Variants in GRIK4 observed in about 807,000 individuals in gnomAD.
The protein encoded by GRIK4 is glutamate ionotropic receptor kainate type subunit 4.
A neutral mutation model predicts 104.9 loss-of-function variants in GRIK4; 40 were observed. The ratio of observed to expected loss-of-function variants is 0.38; its 90% confidence interval spans 0.30 to 0.50. The LOEUF (loss-of-function observed/expected upper bound fraction) is 0.50, where lower values mean the gene tolerates loss of function less well. GRIK4 is among the 20% of genes least tolerant of loss of function. GRIK4 has a pLI of 0.93. For missense variants in GRIK4, 1,047 were observed against 1,308.1 expected (o/e 0.80, Z 3.08); for synonymous variants, 485 against 524.9 (o/e 0.92, Z 1.04).
intron 3 of GRIK4, among the ~76,000 whole-genome samples, chr11:120,703,111 A>G (rs1391612149): frequency 6.6e-6 from 1 of 152,186 alleles, no homozygotes; most frequent in African/African-American, 2.4e-5. Flanking sequence ...TCCAGCATTG[A>G]ATCTGTGGGC....
chr11:120,764,552 A>G (rs1951799595), intron 3 of GRIK4, among the ~76,000 whole-genome samples: 2 of 148,714 alleles, frequency 1.3e-5, no homozygotes, highest in Admixed American at 1.3e-4. Flanking sequence ...TGGGCTTTAC[A>G]TTTTGGTTTG....
In GRIK4 at chr11:120,940,263, T is replaced by A; in HGVS notation, c.1477-84T>A. ...AGCCAGACCAGCATCACATCTCCAA[T>A]AGCAGTGACGGTTGCTGGTCGCAAG... On this transcript the variant is annotated intron_variant, in intron 13 of 20. Transcript: ENST00000527524. The surrounding 1 kb of genome is among the most constrained non-coding windows in gnomAD (Gnocchi z 4.3). The A allele has an allele frequency of 1.3e-6, 1 of 770,878 alleles. No individual in the cohort carries two copies. Among genetic ancestry groups the A allele is most frequent in the African/African-American group, 1.7e-5 (1 of 58,494 alleles). 47.8% of individuals were successfully genotyped at this position (770,878 alleles called of 1,614,324 possible).
At chr11:120,874,358 T>G in intron 10 of GRIK4, 140 bp downstream of exon 10, 1 of 665,758 alleles carries the variant, frequency 1.5e-6, no homozygotes, top group Non-Finnish European at 2.5e-6. Context: ...CAGTGATCTC[T>G]GGTGACCCCA....
rs549699968 is a variant in GRIK4, at chr11:120,524,277, G to A, written c.-159+12390G>A. Among the ~76,000 whole-genome samples the A allele has an allele frequency of 3.8e-4, 58 of 152,174 alleles. No individual in the cohort carries two copies. The highest frequency in any genetic ancestry group is 7.1e-4 in the Non-Finnish European group (48 of 68,036). ...GAACAGCACTGGGTGCTCAGTATGC[G>A]TTTAGTGGGTGAACGGCTGCTTTGG... is the stretch of plus-strand genomic sequence containing the variant. On this transcript the variant is annotated intron_variant, in intron 1 of 20. Coordinates refer to ENST00000527524, the MANE Select transcript of GRIK4 (RefSeq NM_014619.5). The surrounding 1 kb of genome is among the most constrained non-coding windows in gnomAD (Gnocchi z 4.5).
At chr11:120,727,930 T>C (rs557295903) in intron 3 of GRIK4, among the ~76,000 whole-genome samples, 1 of 152,182 alleles carries the variant, frequency 6.6e-6, no homozygotes, top group African/African-American at 2.4e-5. Context: ...ATGACAAATA[T>C]TGAAGATAGG....
intron 8 of GRIK4, among the ~76,000 whole-genome samples, chr11:120,848,088 C>T (rs543238639): frequency 2.0e-5 from 3 of 152,184 alleles, no homozygotes; most frequent in African/African-American, 7.2e-5. Flanking sequence ...ACCCTGGAAG[C>T]CTTCTCACCC....
At chr11:120,794,335 T>C (rs191669647) in intron 3 of GRIK4, among the ~76,000 whole-genome samples, 54 of 151,490 alleles carry the variant, frequency 3.6e-4, no homozygotes, top group Admixed American at 8.5e-4. Context: ...AGTCGGGTGA[T>C]GGTTTTGAGG....
chr11:120,609,530 T>G (rs1949005842), intron 1 of GRIK4, among the ~76,000 whole-genome samples: 1 of 134,618 alleles, frequency 7.4e-6, no homozygotes, highest in Non-Finnish European at 1.6e-5. Context: ...TTTTTTTTTT[T>G]TTTTTTTTTT....
chr11:120,763,715 C>T (rs969404350), intron 3 of GRIK4, among the ~76,000 whole-genome samples: 1 of 152,184 alleles, frequency 6.6e-6, no homozygotes, highest in Non-Finnish European at 1.5e-5. Flanking sequence ...AGTAGTCATT[C>T]AGGAGCAGGT....
chr11:120,821,007 C>T (rs1056109319), intron 6 of GRIK4, among the ~76,000 whole-genome samples: 1 of 152,096 alleles, frequency 6.6e-6, no homozygotes, highest in Non-Finnish European at 1.5e-5. Context: ...GTTAGATCTC[C>T]CCATTTCAAA....
intron 3 of GRIK4, among the ~76,000 whole-genome samples, chr11:120,786,725 C>T (rs1952285524): frequency 6.6e-6 from 1 of 152,194 alleles, no homozygotes; most frequent in Non-Finnish European, 1.5e-5. Flanking sequence ...CTTTGTCAGT[C>T]TTGCTAGTGG....
intron 1 of GRIK4, among the ~76,000 whole-genome samples, chr11:120,621,644 A>C (rs1015908967): frequency 6.6e-6 from 1 of 152,138 alleles, no homozygotes; most frequent in Non-Finnish European, 1.5e-5. Context: ...GGGAGTTCCA[A>C]GATGGAGTCT....
intron 3 of GRIK4, among the ~76,000 whole-genome samples, chr11:120,772,008 C>T (rs944337030): frequency 6.6e-6 from 1 of 152,210 alleles, no homozygotes; most frequent in African/African-American, 2.4e-5. Context: ...GTGACTTCAA[C>T]CTCTGAGGGC....
intron 1 of GRIK4, among the ~76,000 whole-genome samples, chr11:120,597,675 G>A (rs528705458): frequency 6.6e-5 from 10 of 152,256 alleles, no homozygotes; most frequent in South Asian, 2.1e-4. Flanking sequence ...TGGGCCATGC[G>A]TGCTGCCTGT....
intron 1 of GRIK4, among the ~76,000 whole-genome samples, chr11:120,625,260 T>C (rs11217928): frequency 0.7 from 106,169 of 151,880 alleles, 37,371 homozygotes; most frequent in African/African-American, 0.72. Flanking sequence ...GGCGACAGAG[T>C]GACTTAAGTT....
At chr11:120,745,773 G>C (rs1418536190) in intron 3 of GRIK4, among the ~76,000 whole-genome samples, 1 of 152,220 alleles carries the variant, frequency 6.6e-6, no homozygotes, top group African/African-American at 2.4e-5. Flanking sequence ...TTAGGGGCCA[G>C]GATGAAGACT....
intron 8 of GRIK4, among the ~76,000 whole-genome samples, chr11:120,853,427 A>G (rs61901429): frequency 0.069 from 10,573 of 152,314 alleles, 507 homozygotes; most frequent in South Asian, 0.15. Flanking sequence ...TCCGTAGTCT[A>G]GGACCAAGCT....
chr11:120,974,067 C>T (rs1944521171), intron 19 of GRIK4, among the ~76,000 whole-genome samples: 1 of 152,128 alleles, frequency 6.6e-6, no homozygotes, highest in African/African-American at 2.4e-5. Context: ...GCCACCACAC[C>T]CAGCTAATTT....
At chr11:120,514,767 C>T (rs780379291) in intron 1 of GRIK4, among the ~76,000 whole-genome samples, 32 of 152,172 alleles carry the variant, frequency 2.1e-4, no homozygotes, top group Non-Finnish European at 4.1e-4. Flanking sequence ...GCCGGGGTGC[C>T]TGGGGCACCC....
Sources: gnomAD v4.1 joint callset for allele counts (sites outside exome capture counted in the v4.1 genomes callset) on GRCh38, gnomAD v4.1.1 for gene constraint, Gnocchi (gnomAD v3.1) non-coding constraint, MANE v1.5 for transcripts, NCBI Gene and HGNC (gene_info 2026-07-23, HGNC 2026-07-21) for gene names.